The following CLTCL1 variants were observed in gnomAD, a reference collection of about 807,000 sequenced individuals.
CLTCL1 encodes clathrin heavy chain 2.
CLTCL1 carries 159 observed loss-of-function variants against 190.0 expected under a neutral mutation model. The ratio of observed to expected loss-of-function variants is 0.84; its 90% confidence interval spans 0.74 to 0.95. CLTCL1 has a LOEUF of 0.95. Among genes scored for constraint, CLTCL1 ranks in the 40% least tolerant of loss-of-function variants. The pLI is 0.00. For synonymous variants in CLTCL1, 752 were observed against 769.6 expected (o/e 0.98, Z 0.38); for missense variants, 1,878 against 2,033.4 (o/e 0.92, Z 1.47).
intron 2 of CLTCL1, among the ~76,000 whole-genome samples, chr22:19,270,512 A>G (rs1483330517): frequency 1.3e-5 from 2 of 151,744 alleles, no homozygotes; most frequent in Admixed American, 1.3e-4. Flanking sequence ...TGGATCACAA[A>G]GTCAAGAGAT....
intron 4 of CLTCL1, among the ~76,000 whole-genome samples, chr22:19,241,934 C>T (rs1343813889): frequency 6.7e-6 from 1 of 150,234 alleles, no homozygotes; most frequent in Non-Finnish European, 1.5e-5. Flanking sequence ...AACTGTGCCT[C>T]ATCTACCTTT....
chr22:19,209,239 A>G, intron 20 of CLTCL1, 125 bp from the exon 21 acceptor site: 1 of 773,530 alleles, frequency 1.3e-6, no homozygotes, highest in Non-Finnish European at 2.0e-6. Flanking sequence ...GTCAGAAGCA[A>G]TCAGGTACTA....
chr22:19,291,578 C>T (rs782563047), intron 1 of CLTCL1, 22 bp downstream of exon 1: 1 of 1,364,782 alleles, frequency 7.3e-7, no homozygotes, highest in African/African-American at 1.5e-5. Context: ...ACAGGGCAGC[C>T]CCCCAGCCCG....
At chr22:19,218,223 T>C (rs1555950625) in intron 18 of CLTCL1, among the ~76,000 whole-genome samples, 1 of 152,208 alleles carries the variant, frequency 6.6e-6, no homozygotes, top group African/African-American at 2.4e-5. Flanking sequence ...AAAGTGGCCC[T>C]TCCCCAGTAC....
Position 19,196,510 on chromosome 22 carries a change from C to A in CLTCL1, c.4020G>T (p.Trp1340Cys), listed in dbSNP as rs555682535. 5 of 1,614,062 alleles carry A rather than the reference C, an allele frequency of 3.1e-6. No individual in the cohort carries two copies. The East Asian group carries it at 1.1e-4, about 36-fold the overall frequency. Residue 1340 changes from tryptophan to cysteine, a missense_variant, in exon 25 of 33, where the codon TGG becomes TGT. By Grantham distance (215) the Trp-to-Cys change is radical. Coordinates refer to ENST00000427926, the MANE Select transcript of CLTCL1 (RefSeq NM_007098.4). The part of the protein sequence containing the change: ...QKMLEHLELF[W>C]SRVNIPKVLR... ...GTACCTTTGGGATGTTGACACGGGA[C>A]CAGAAAAGCTCCAGATGCTCCAGCA...
At chr22:19,283,609 A>G (rs1357886133) in intron 1 of CLTCL1, among the ~76,000 whole-genome samples, 4 of 152,134 alleles carry the variant, frequency 2.6e-5, no homozygotes, top group Non-Finnish European at 5.9e-5. Context: ...TGGCATATAT[A>G]AGATTTAACT....
chr22:19,266,559 C>T (rs2087128565), intron 2 of CLTCL1, among the ~76,000 whole-genome samples: 1 of 152,154 alleles, frequency 6.6e-6, no homozygotes, highest in South Asian at 2.1e-4. Context: ...AGAAGGACCT[C>T]ATTCTCTAAG....
rs558092342 is a variant in CLTCL1, at chr22:19,217,047, T to C, written c.2920-791A>G. 3.3e-5 allele frequency among the ~76,000 whole-genome samples: 5 copies of C among 152,294 alleles called. No individual in the cohort carries two copies. In the South Asian group the frequency reaches 1.0e-3, roughly 32 times the overall value. Reference sequence around the variant, plus strand: ...GACCATGAACTTTCACCTAGCAATCTTGAGGGGCCTTAAAGGAACCTAGGG... The same window carrying C: ...GACCATGAACTTTCACCTAGCAATCCTGAGGGGCCTTAAAGGAACCTAGGG... On this transcript the variant is annotated intron_variant, in intron 18 of 32. Transcript: ENST00000427926.
At chr22:19,186,436 G>A (rs1601434440) in intron 29 of CLTCL1, among the ~76,000 whole-genome samples, 1 of 152,114 alleles carries the variant, frequency 6.6e-6, no homozygotes, top group Non-Finnish European at 1.5e-5. Context: ...CCCAGATCCC[G>A]GTCTGAGAAT....
chr22:19,249,994 C>T (rs1015764821), intron 3 of CLTCL1: 1 of 334,608 alleles, frequency 3.0e-6, no homozygotes, highest in Non-Finnish European at 6.1e-6. Flanking sequence ...TGGCTCACAC[C>T]TGTAATCCCA....
chr22:19,259,358 G>T lies in CLTCL1; in HGVS notation c.251-5131C>A, dbSNP rs148811264. Among the ~76,000 whole-genome samples the T allele has an allele frequency of 5.7e-3, 865 of 152,006 alleles. 11 individuals carry two copies. Among genetic ancestry groups the T allele is most frequent in the African/African-American group, 0.019 (778 of 41,482 alleles). On this transcript the variant is annotated intron_variant, in intron 2 of 32. Transcript: ENST00000427926. ...TGACCTCAGGTGATCTGCCCGCCTC[G>T]GCCTCCCAAAGTGCTGGGATTACAG...
At chr22:19,245,542 T>C (rs944331600) in intron 3 of CLTCL1, among the ~76,000 whole-genome samples, 3 of 152,124 alleles carry the variant, frequency 2.0e-5, no homozygotes, top group Admixed American at 6.6e-5. Flanking sequence ...AAATGAACCA[T>C]TTTAAAGTGT....
intron 6 of CLTCL1, 26 bp from the exon 7 acceptor site, chr22:19,234,732 A>T: frequency 1.9e-6 from 3 of 1,596,730 alleles, no homozygotes; most frequent in Non-Finnish European, 2.6e-6. Context: ...AAGTGAGAGC[A>T]GCCCGGCCTA....
intron 2 of CLTCL1, among the ~76,000 whole-genome samples, chr22:19,256,868 G>A (rs1025858023): frequency 6.6e-5 from 10 of 152,076 alleles, no homozygotes; most frequent in Admixed American, 4.6e-4. Flanking sequence ...AGAGGACAAA[G>A]AATAGACATA....
intron 15 of CLTCL1, among the ~76,000 whole-genome samples, chr22:19,222,417 G>A (rs1555953102): frequency 6.6e-6 from 1 of 152,222 alleles, no homozygotes; most frequent in East Asian, 1.9e-4. Context: ...CTGTCTGCAA[G>A]CGTGGGAGAC....
intron 1 of CLTCL1, among the ~76,000 whole-genome samples, chr22:19,278,888 C>T (rs2087606965): frequency 6.6e-6 from 1 of 152,036 alleles, no homozygotes; most frequent in Admixed American, 6.5e-5. Flanking sequence ...ATTACAGGCA[C>T]TCACCACCAC....
rs2085979149 is a variant in CLTCL1 at position 19,233,449 on chromosome 22, G to A, written c.1341C>T (p.Leu447=). The change falls in exon 8 of 33, where the codon CTC becomes CTT. Residue 447 remains leucine (L), a synonymous_variant. Transcript: ENST00000427926. ...HLVLQQGRKQ[L]LEKWLKEDKL... ...TATCTTCTTTCAGCCACTTCTCTAG[G>A]AGTTGCTTACGCCCCTGCTGAAGAA... 1.9e-6 allele frequency: 3 copies of A among 1,613,748 alleles called. No individual in the cohort carries two copies. In the African/African-American group the frequency reaches 4.0e-5, roughly 22 times the overall value.
chr22:19,200,537 T>C (rs2084849160), intron 23 of CLTCL1, among the ~76,000 whole-genome samples: 1 of 152,210 alleles, frequency 6.6e-6, no homozygotes, highest in African/African-American at 2.4e-5. Context: ...AGAGTTGTAA[T>C]GCATACATTA....
chr22:19,214,682 C>CTT (rs35325953), intron 19 of CLTCL1, among the ~76,000 whole-genome samples: 5 of 130,328 alleles, frequency 3.8e-5, no homozygotes, highest in African/African-American at 1.1e-4. Context: ...ATATATTTTG[C>CTT]TTTTTTTTTT....
Sources: allele counts gnomAD v4.1 joint callset (sites outside exome capture counted in the v4.1 genomes callset), GRCh38; gene constraint gnomAD v4.1.1; transcripts MANE v1.5; gene names NCBI Gene and HGNC (gene_info 2026-07-23, HGNC 2026-07-21).